The following MBP variants were observed in gnomAD, a reference collection of about 807,000 sequenced individuals.
The protein encoded by MBP is Golli-MBP.
MBP carries 16 observed loss-of-function variants against 35.8 expected under a neutral mutation model. The ratio of observed to expected loss-of-function variants is 0.45; its 90% CI spans 0.30 to 0.68. The LOEUF is 0.68. Ranked by LOEUF, MBP falls within the 30% of genes least tolerant of loss-of-function variation. The pLI is 0.08. For synonymous variants in MBP, 143 were observed against 159.6 expected, an observed-to-expected ratio of 0.90 and a Z score of 0.78; for missense variants, 380 against 404.7, an observed-to-expected ratio of 0.94 and a Z score of 0.52.
chr18:77,068,407 A>G (rs935629733), intron 2 of MBP, among the ~76,000 whole-genome samples: 1 of 122,368 alleles, frequency 8.2e-6, no homozygotes, highest in Non-Finnish European at 2.0e-5. Flanking sequence ...ATGACGAGGA[A>G]GTCCCGTCTG....
intron 3 of MBP, among the ~76,000 whole-genome samples, chr18:77,039,646 T>C (rs1434247955): frequency 6.6e-6 from 1 of 151,718 alleles, no homozygotes; most frequent in African/African-American, 2.4e-5. Flanking sequence ...GGGACAGAGG[T>C]CAGGGGAGTG....
At chr18:77,062,800 A>G (rs894993370) in intron 3 of MBP, among the ~76,000 whole-genome samples, 1 of 152,220 alleles carries the variant, frequency 6.6e-6, no homozygotes, top group Non-Finnish European at 1.5e-5. Flanking sequence ...TGCGCCAATC[A>G]GTCTTAACTC....
Position 76,980,193 on chromosome 18 carries a change from A to C in MBP, c.*234T>G. The C allele has an allele frequency of 1.6e-6, 1 of 636,022 alleles. No homozygotes were observed. 39.4% of individuals were successfully genotyped at this position (636,022 alleles called of 1,614,324 possible). ...GGCACATTGCGGGGGAAGGAACGTG[A>C]TCTTCACACAGAAAGGGACAGTTTT... On this transcript the variant is annotated 3_prime_UTR_variant, in exon 9 of 9. Transcript: ENST00000355994.
chr18:77,035,960 G>A (rs1027901828), intron 3 of MBP, among the ~76,000 whole-genome samples: 10 of 152,208 alleles, frequency 6.6e-5, no homozygotes, highest in East Asian at 3.8e-4. Context: ...ATGCAGAGGC[G>A]TTTTTCTCAT....
At chr18:77,048,911 T>G (rs1469872023) in intron 3 of MBP, among the ~76,000 whole-genome samples, 2 of 151,140 alleles carry the variant, frequency 1.3e-5, no homozygotes, top group Admixed American at 6.6e-5. Flanking sequence ...GAGGGCAGGG[T>G]TTTTTTTTAA....
At chr18:77,128,185 C>T (rs775497440) in intron 1 of MBP, among the ~76,000 whole-genome samples, 1 of 152,302 alleles carries the variant, frequency 6.6e-6, no homozygotes, top group Admixed American at 6.5e-5. Flanking sequence ...ATCCAGATGA[C>T]GGAACACCAC....
At chr18:77,071,074 A>T (rs1006216856) in intron 2 of MBP, among the ~76,000 whole-genome samples, 3 of 152,200 alleles carry the variant, frequency 2.0e-5, no homozygotes, top group African/African-American at 7.2e-5. Flanking sequence ...TGGAGGTGGC[A>T]ATTTCAGGAG....
In MBP at chr18:77,105,296, A is replaced by G. The variant is rs765948025; in HGVS notation, c.-25-10T>C. On this transcript the variant is annotated splice_polypyrimidine_tract_variant and intron_variant, in intron 1 of 8. Transcript: ENST00000355994. ...ATTGGCTCTTCAGAGGCTAAAAGAG[A>G]AAGAGAAAGTGTCAGCCCTAAGTCT... 6.4e-7 allele frequency: 1 copy of G among 1,573,676 alleles called. No homozygotes were observed. Among genetic ancestry groups the G allele is most frequent in the East Asian group, 2.2e-5 (1 of 44,516 alleles).
chr18:77,059,912 G>A (rs1160469299), intron 3 of MBP, among the ~76,000 whole-genome samples: 1 of 152,218 alleles, frequency 6.6e-6, no homozygotes, highest in Non-Finnish European at 1.5e-5. Flanking sequence ...GGGCTTCTTG[G>A]TTAGATATGA....
intron 3 of MBP, among the ~76,000 whole-genome samples, chr18:77,050,392 A>T (rs924487665): frequency 3.9e-5 from 6 of 152,346 alleles, no homozygotes; most frequent in African/African-American, 1.2e-4. Flanking sequence ...TGCTATTTAT[A>T]TTTTAAATGT....
chr18:77,025,514 C>A (rs1239400415), intron 3 of MBP, among the ~76,000 whole-genome samples: 3 of 152,088 alleles, frequency 2.0e-5, no homozygotes, highest in African/African-American at 4.8e-5. Flanking sequence ...CATTCAACAC[C>A]CACCCGACAG....
rs763424155 is a variant in MBP, at chr18:76,988,241, G to A, written c.750+254C>T. ...AGTCACGTCGCCTGGGAACCCTCTG[G>A]GAGAAGAGGATCTGGCCTTGCAGGG... On this transcript the variant is annotated intron_variant, in intron 7 of 8. Transcript: ENST00000355994. The surrounding 1 kb of genome is among the most constrained non-coding windows in gnomAD (Gnocchi z 5.2). The A allele has an allele frequency of 2.3e-5, 35 of 1,549,920 alleles. No homozygotes were observed. Among genetic ancestry groups the A allele is most frequent in the Non-Finnish European group, 4.4e-6 (5 of 1,147,008 alleles).
chr18:77,040,786 T>C (rs1972959272), intron 3 of MBP, among the ~76,000 whole-genome samples: 5 of 152,212 alleles, frequency 3.3e-5, no homozygotes, highest in Admixed American at 1.3e-4. Flanking sequence ...TAATTCAAGA[T>C]GGATTAAAGA....
chr18:77,111,535 C>T (rs1976449394), intron 1 of MBP, among the ~76,000 whole-genome samples: 2 of 152,224 alleles, frequency 1.3e-5, no homozygotes, highest in South Asian at 4.1e-4. Flanking sequence ...GAAGGAGACC[C>T]CCACGGGAGG....
intron 1 of MBP, among the ~76,000 whole-genome samples, chr18:77,130,516 C>G (rs144281417): frequency 6.6e-6 from 1 of 151,780 alleles, no homozygotes; most frequent in African/African-American, 2.4e-5. Flanking sequence ...TGCAAGCAGT[C>G]GATAAACACT....
chr18:77,022,274 C>A (rs1972019288), intron 3 of MBP, among the ~76,000 whole-genome samples: 1 of 152,034 alleles, frequency 6.6e-6, no homozygotes. Flanking sequence ...CGTCCATGCA[C>A]CCAAGGGATT....
intron 2 of MBP, among the ~76,000 whole-genome samples, chr18:77,089,384 T>C (rs146881523): frequency 3.3e-5 from 5 of 152,254 alleles, no homozygotes; most frequent in Non-Finnish European, 7.4e-5. Context: ...CAATGACTAG[T>C]GTCCTAAGGA....
chr18:77,014,357 TG>T (rs1054905151), intron 4 of MBP: 8 of 985,004 alleles, frequency 8.1e-6, no homozygotes, highest in East Asian at 1.1e-4. Flanking sequence ...TATAGGGTCA[TG>T]GGGGGGCTCC....
chr18:77,122,971 G>C (rs1157482898), intron 1 of MBP, among the ~76,000 whole-genome samples: 2 of 152,210 alleles, frequency 1.3e-5, no homozygotes, highest in Non-Finnish European at 2.9e-5. Context: ...GCAGGGTATT[G>C]AGCAAATATT....
Sources: gnomAD v4.1 joint callset for allele counts (sites outside exome capture counted in the v4.1 genomes callset) on GRCh38, gnomAD v4.1.1 for gene constraint, Gnocchi (gnomAD v3.1) non-coding constraint, MANE v1.5 for transcripts, NCBI Gene and HGNC (gene_info 2026-07-23, HGNC 2026-07-21) for gene names.